The following PLAAT2 variants were observed in gnomAD, a reference collection of about 807,000 sequenced individuals.
The protein encoded by PLAAT2 is phospholipase A and acyltransferase 2.
In PLAAT2, 12 loss-of-function variants were observed where a neutral mutation model predicts 12.8. The observed-to-expected ratio is 0.94, with a 90% CI of 0.60 to 1.52. The LOEUF is 1.52. Ranked by LOEUF, PLAAT2 falls within the 40% of genes most tolerant of loss-of-function variation. The pLI is 0.00. For missense variants in PLAAT2, 166 were observed against 208.1 expected (o/e 0.80, Z 1.24); for synonymous variants, 79 against 86.8 (o/e 0.91, Z 0.50).
intron 3 of PLAAT2, among the ~76,000 whole-genome samples, chr11:63,555,092 C>T (rs1165974652): frequency 6.6e-6 from 1 of 152,120 alleles, no homozygotes; most frequent in Admixed American, 6.6e-5. Flanking sequence ...CCTGAATATG[C>T]GATGAGGCCA....
rs916356793 is a variant in PLAAT2 at position 63,560,166 on chromosome 11, G to A, written c.37C>T (p.Leu13=). 6.2e-7 allele frequency: 1 copy of A among 1,613,472 alleles called. No homozygotes were observed. Among genetic ancestry groups the A allele is most frequent in the Admixed American group, 1.7e-5 (1 of 59,986 alleles). The stretch of plus-strand genomic sequence containing the variant: ...TAGCCAAAGCGAGAAATCTCAATCA[G>A]GTCTCCAAGTCTCGGTCTTGGTCTG... ...LARPRPRLGD[L]IEISRFGYAH... The change falls in exon 2 of 4, where the codon CTG becomes TTG. Residue 13 remains leucine, a synonymous_variant. Coordinates refer to ENST00000255695, the MANE Select transcript of PLAAT2 (RefSeq NM_017878.2).
intron 1 of PLAAT2, among the ~76,000 whole-genome samples, chr11:63,561,644 CAAAAAAAAAA>C (rs61140464): frequency 2.2e-4 from 8 of 35,964 alleles, no homozygotes; most frequent in African/African-American, 8.4e-4. Context: ...GACTCCATCA[CAAAAAAAAAA>C]AAAAAAAAAA....
intron 3 of PLAAT2, among the ~76,000 whole-genome samples, 189 bp downstream of exon 3, chr11:63,558,203 C>T (rs2017484747): frequency 1.3e-5 from 2 of 152,128 alleles, no homozygotes; most frequent in Admixed American, 6.5e-5. Flanking sequence ...TCTACATTGC[C>T]GACTTGCCTA....
At chr11:63,555,110 C>T (rs141124896) in intron 3 of PLAAT2, among the ~76,000 whole-genome samples, 3 of 152,320 alleles carry the variant, frequency 2.0e-5, no homozygotes, top group African/African-American at 7.2e-5. Context: ...CCAGCTGTGT[C>T]TGCTAGCTGG....
In PLAAT2 at chr11:63,555,995, C is replaced by T. The variant is rs1027603077; in HGVS notation, c.387+2397G>A. ...AATTCTCCTGGCAGCAGAGAGCTTT[C>T]TTAGGCAGGCATTTATCGGGGGGCT... On this transcript the variant is annotated intron_variant, in intron 3 of 3. Coordinates refer to ENST00000255695, the MANE Select transcript of PLAAT2 (RefSeq NM_017878.2). Among the ~76,000 whole-genome samples, 10 of 152,332 alleles carry T rather than the reference C, an allele frequency of 6.6e-5. No individual in the cohort carries two copies. In the East Asian group the frequency reaches 1.9e-3, roughly 29 times the overall value.
upstream of PLAAT2, among the ~76,000 whole-genome samples, chr11:63,563,577 G>A: frequency 6.7e-6 from 1 of 149,556 alleles, no homozygotes; most frequent in East Asian, 2.0e-4. Flanking sequence ...AAATTAGCTG[G>A]GCATGGTGGT....
Position 63,558,440 on chromosome 11 carries a change from G to A in PLAAT2, c.339C>T (p.Cys113=), listed in dbSNP as rs137992585. ...AGCGCAGATGGTTCACGAAGTGCTCGCAGTTGTCACTGGTCAGCGAATAAG... is the reference window on the plus strand; with the variant it reads ...AGCGCAGATGGTTCACGAAGTGCTCACAGTTGTCACTGGTCAGCGAATAAG... The part of the protein sequence containing the change: ...ELPYSLTSDN[C]EHFVNHLRYG... The change falls in exon 3 of 4, where the codon TGC becomes TGT. Residue 113 remains cysteine (C), a synonymous_variant. Transcript: ENST00000255695. The A allele has an allele frequency of 6.8e-6, 11 of 1,614,084 alleles. No homozygotes were observed. The African/African-American group carries it at 9.3e-5, about 14-fold the overall frequency.
intron 3 of PLAAT2, among the ~76,000 whole-genome samples, chr11:63,553,564 G>T: frequency 6.6e-6 from 1 of 152,232 alleles, no homozygotes; most frequent in South Asian, 2.1e-4. Context: ...GCAGGAAGAT[G>T]ACTTGAGCCC....
At chr11:63,558,697 G>A in intron 2 of PLAAT2, 37 bp from the exon 3 acceptor site, 1 of 1,606,012 alleles carries the variant, frequency 6.2e-7, no homozygotes, top group Non-Finnish European at 8.5e-7. Flanking sequence ...GGCAGGGCCT[G>A]GGGGGCTCAG....
At chr11:63,561,301 G>A (rs746598799) in intron 1 of PLAAT2, among the ~76,000 whole-genome samples, 1 of 152,104 alleles carries the variant, frequency 6.6e-6, no homozygotes, top group Non-Finnish European at 1.5e-5. Flanking sequence ...ATCATACAAC[G>A]GACTCTGAAG....
At chr11:63,557,924 G>A (rs1376424998) in intron 3 of PLAAT2, among the ~76,000 whole-genome samples, 1 of 152,102 alleles carries the variant, frequency 6.6e-6, no homozygotes, top group Admixed American at 6.6e-5. Context: ...GGCTGGGCTC[G>A]GGTGTGACCT....
Position 63,553,031 on chromosome 11 carries a change from G to T in PLAAT2, c.422C>A (p.Ala141Glu). The change falls in exon 4 of 4, where the codon GCA becomes GAA. Residue 141 changes from alanine (A) to glutamate (E), a missense_variant. Coordinates refer to ENST00000255695, the MANE Select transcript of PLAAT2 (RefSeq NM_017878.2). Reference protein sequence around the residue: ...TGAVTTVGVAAGLLAAASLVG... With the variant: ...TGAVTTVGVAEGLLAAASLVG... ...AAGGCTTGCGGCAGCCAGCAGGCCT[G>T]CTGCCACACCTACTGTCGTGACTGC... 1.2e-6 allele frequency: 2 copies of T among 1,613,636 alleles called. No homozygotes were observed. Among genetic ancestry groups the T allele is most frequent in the Non-Finnish European group, 1.7e-6 (2 of 1,179,816 alleles).
In PLAAT2 at chr11:63,562,534, TTTAA is replaced by T. The variant is rs762869748; in HGVS notation, c.9+778_9+781del. ...CTGGAATTAAATACATTCTTTCTTT[TTTAA>T]GTCGAAGCTTTAGAGTCAGAGCCTC... On this transcript the variant is annotated intron_variant, in intron 1 of 3. Transcript: ENST00000255695. Among the ~76,000 whole-genome samples, 391 of 152,352 alleles carry T rather than the reference TTTAA, an allele frequency of 2.6e-3. 1 individual carries two copies. Among genetic ancestry groups the T allele is most frequent in the Middle Eastern group, 0.01 (3 of 294 alleles).
At position 63,558,472 on chromosome 11, in the gene PLAAT2, C is replaced by G. The variant is rs149474269; in HGVS notation, c.307G>C (p.Glu103Gln). Residue 103 changes from glutamate to glutamine, a missense_variant, in exon 3 of 4, where the codon GAG becomes CAG. Transcript: ENST00000255695. The part of the protein sequence containing the change: ...VKRAEELVGQ[E>Q]LPYSLTSDNC... ...TCACTGGTCAGCGAATAAGGCAACT[C>G]CTGCCCCACCAACTCCTCTGCCCGC... 11 of 1,614,096 alleles carry G rather than the reference C, an allele frequency of 6.8e-6. No individual in the cohort carries two copies. In the African/African-American group the frequency reaches 1.3e-4, roughly 20 times the overall value.
Position 63,560,026 on chromosome 11 carries a change from T to G in PLAAT2, c.118+59A>C, listed in dbSNP as rs746948102. On this transcript the variant is annotated intron_variant, in intron 2 of 3. Coordinates refer to ENST00000255695, the MANE Select transcript of PLAAT2 (RefSeq NM_017878.2). ...TGAAGTGAGGACAAGCACGTAACTG[T>G]GCATCTCTTCACATTCTTGATCTTA... is the stretch of plus-strand genomic sequence containing the variant. 94 of 1,152,510 alleles carry G rather than the reference T, an allele frequency of 8.2e-5. 1 individual carries two copies. Among genetic ancestry groups the G allele is most frequent in the Non-Finnish European group, 1.6e-5 (12 of 771,574 alleles). The allele number at this position is 1,152,510 out of a possible 1,614,324, so 71.4% of individuals were successfully genotyped here.
Position 63,560,154 on chromosome 11 carries a change from A to G in PLAAT2, c.49T>C (p.Ser17Pro). 1 of 1,613,954 alleles carries G rather than the reference A, an allele frequency of 6.2e-7. No individual in the cohort carries two copies. Among genetic ancestry groups the G allele is most frequent in the Non-Finnish European group, 8.5e-7 (1 of 1,179,908 alleles). Residue 17 changes from serine to proline, a missense_variant, in exon 2 of 4, where the codon TCT becomes CCT. By Grantham distance (74) the Ser-to-Pro change is moderately conservative. Transcript: ENST00000255695. ...GCCCAGTGTGCATAGCCAAAGCGAGAAATCTCAATCAGGTCTCCAAGTCTC... is the reference window on the plus strand; with the variant it reads ...GCCCAGTGTGCATAGCCAAAGCGAGGAATCTCAATCAGGTCTCCAAGTCTC... ...RPRLGDLIEI[S>P]RFGYAHWAIY...
chr11:63,560,397 G>A (rs1194269296), intron 1 of PLAAT2, among the ~76,000 whole-genome samples: 3 of 152,220 alleles, frequency 2.0e-5, no homozygotes, highest in Admixed American at 1.3e-4. Context: ...GCTCTTCAGG[G>A]GACAAGGAGG....
chr11:63,561,801 A>G (rs1338982133), intron 1 of PLAAT2, among the ~76,000 whole-genome samples: 1 of 152,106 alleles, frequency 6.6e-6, no homozygotes, highest in African/African-American at 2.4e-5. Context: ...AATTTAAAAA[A>G]AAGTAAAGCC....
At chr11:63,559,202 G>A (rs2017496067) in intron 2 of PLAAT2, among the ~76,000 whole-genome samples, 1 of 152,196 alleles carries the variant, frequency 6.6e-6, no homozygotes, top group African/African-American at 2.4e-5. Context: ...TACTCCGGGG[G>A]CGAGGCTGGA....
Sources: allele counts gnomAD v4.1 joint callset (sites outside exome capture counted in the v4.1 genomes callset), GRCh38; gene constraint gnomAD v4.1.1; transcripts MANE v1.5; gene names NCBI Gene and HGNC (gene_info 2026-07-23, HGNC 2026-07-21).